The following CRHR1 variants were observed in gnomAD, a reference collection of about 807,000 sequenced individuals.
The protein encoded by CRHR1 is corticotropin-releasing hormone receptor 1.
CRHR1 carries 28 observed loss-of-function variants against 56.0 expected under a neutral mutation model. The ratio of observed to expected loss-of-function variants is 0.50; its 90% CI spans 0.37 to 0.69. The LOEUF is 0.69. Among genes scored for constraint, CRHR1 ranks in the 30% least tolerant of loss-of-function variants. CRHR1 has a pLI of 0.00. For synonymous variants in CRHR1, 195 were observed against 216.5 expected (o/e 0.90, Z 0.87); for missense variants, 376 against 548.0 (o/e 0.69, Z 3.13).
intron 1 of CRHR1, among the ~76,000 whole-genome samples, chr17:45,803,771 TGTGTGCGTGCGCGTGCGC>T (rs1396591647): frequency 7.2e-6 from 1 of 138,078 alleles, no homozygotes. Flanking sequence ...TGTGTGTGTG[TGTGTGCGTGCGCGTGCGC>T]GTGTGTGCAT....
At chr17:45,812,720 GC>G (rs1410453129) in intron 2 of CRHR1, among the ~76,000 whole-genome samples, 2 of 152,056 alleles carry the variant, frequency 1.3e-5, no homozygotes, top group Non-Finnish European at 2.9e-5. Flanking sequence ...CTTCCCGCCT[GC>G]CTCTCTCTAT....
At chr17:45,811,488 A>T (rs1299596933) in intron 2 of CRHR1, among the ~76,000 whole-genome samples, 1 of 152,226 alleles carries the variant, frequency 6.6e-6, no homozygotes, top group Non-Finnish European at 1.5e-5. Context: ...ACTTGACTCC[A>T]GCAGCTCACC....
At chr17:45,789,074 T>C (rs561577570) in intron 1 of CRHR1, among the ~76,000 whole-genome samples, 1 of 152,082 alleles carries the variant, frequency 6.6e-6, no homozygotes, top group South Asian at 2.1e-4. Flanking sequence ...CCCTTGAGGG[T>C]AGAGCCTCAG....
At chr17:45,827,468 T>C (rs979316941) in intron 4 of CRHR1, among the ~76,000 whole-genome samples, 1 of 152,338 alleles carries the variant, frequency 6.6e-6, no homozygotes, top group East Asian at 1.9e-4. Context: ...CAGCCTGTGA[T>C]GTGTGCATAT....
intron 8 of CRHR1, among the ~76,000 whole-genome samples, chr17:45,832,501 C>T (rs1384342404): frequency 6.6e-6 from 1 of 152,230 alleles, no homozygotes; most frequent in Admixed American, 6.5e-5. Flanking sequence ...ATCTCAATTT[C>T]TGGCTTATGA....
Position 45,830,455 on chromosome 17 carries a change from C to T in CRHR1, c.594C>T (p.Phe198=), listed in dbSNP as rs1169788805. 1 of 1,613,544 alleles carries T rather than the reference C, an allele frequency of 6.2e-7. No individual in the cohort carries two copies. The highest frequency in any genetic ancestry group is 1.7e-5 in the Admixed American group (1 of 59,986). Residue 198 remains phenylalanine, a synonymous_variant, in exon 7 of 13, where the codon TTC becomes TTT. Coordinates refer to ENST00000314537, the MANE Select transcript of CRHR1 (RefSeq NM_004382.5). The stretch of plus-strand genomic sequence containing the variant: ...TGGTGACAGCCGCCTACAACTACTT[C>T]CATGTGACCAACTTCTTCTGGATGT... ...CRLVTAAYNY[F]HVTNFFWMFG... is the part of the protein sequence containing the mutation.
At chr17:45,807,559 A>G (rs2061742732) in intron 2 of CRHR1, among the ~76,000 whole-genome samples, 3 of 152,108 alleles carry the variant, frequency 2.0e-5, no homozygotes, top group Non-Finnish European at 4.4e-5. Flanking sequence ...TATTAACCCA[A>G]TTTGCACAAT....
intron 3 of CRHR1, among the ~76,000 whole-genome samples, chr17:45,817,939 G>A (rs1247084711): frequency 6.6e-6 from 1 of 152,200 alleles, no homozygotes; most frequent in Non-Finnish European, 1.5e-5. Flanking sequence ...TTGAGGCACA[G>A]AGAGGCTAAT....
intron 2 of CRHR1, among the ~76,000 whole-genome samples, chr17:45,809,720 CG>C (rs2061785540): frequency 6.6e-6 from 1 of 152,208 alleles, no homozygotes; most frequent in Non-Finnish European, 1.5e-5. Flanking sequence ...GGCGTCTGGC[CG>C]GGGCGGCTGG....
intron 1 of CRHR1, among the ~76,000 whole-genome samples, chr17:45,803,298 A>T (rs1232532638): frequency 6.6e-6 from 1 of 152,240 alleles, no homozygotes; most frequent in Non-Finnish European, 1.5e-5. Context: ...CAGCTTAAGG[A>T]TTAGATGGAT....
chr17:45,785,775 G>C (rs888529888), intron 1 of CRHR1, among the ~76,000 whole-genome samples: 6 of 152,160 alleles, frequency 3.9e-5, no homozygotes, highest in Non-Finnish European at 5.9e-5. Flanking sequence ...TGCTTCCTTA[G>C]TTGAGACGTT....
chr17:45,784,347 A>C lies in CRHR1; in HGVS notation c.-198A>C. 6.4e-6 allele frequency: 2 copies of C among 312,652 alleles called. No homozygotes were observed. Among genetic ancestry groups the C allele is most frequent in the Non-Finnish European group, 1.1e-5 (2 of 176,610 alleles). 19.4% of individuals were successfully genotyped at this position (312,652 alleles called of 1,614,324 possible). On this transcript the variant is annotated 5_prime_UTR_variant, in exon 1 of 13. Coordinates refer to ENST00000314537, the MANE Select transcript of CRHR1 (RefSeq NM_004382.5). The surrounding 1 kb of genome is among the most constrained non-coding windows in gnomAD (Gnocchi z 4.2). ...GAAACGGCGGCCAGACTTCCCCGGG[A>C]AGGGGCGAGCGAGAGCCGGGCCGGG...
At chr17:45,829,665 C>G in intron 5 of CRHR1, 1 of 1,549,690 alleles carries the variant, frequency 6.5e-7, no homozygotes. Context: ...GGCCCCAGCA[C>G]TACCGCCAAG....
chr17:45,825,227 G>A (rs1442254631), intron 4 of CRHR1, among the ~76,000 whole-genome samples: 1 of 152,208 alleles, frequency 6.6e-6, no homozygotes, highest in Admixed American at 6.5e-5. Context: ...GGCACCTCAA[G>A]GCCAGGCACC....
chr17:45,803,783 C>T (rs369123394), intron 1 of CRHR1, among the ~76,000 whole-genome samples: 9 of 74,756 alleles, frequency 1.2e-4, no homozygotes, highest in South Asian at 6.7e-4. Flanking sequence ...TGTGCGTGCG[C>T]GTGCGCGTGT....
At chr17:45,829,385 A>G in intron 5 of CRHR1, 64 bp downstream of exon 5, 1 of 1,482,874 alleles carries the variant, frequency 6.7e-7, no homozygotes, top group Non-Finnish European at 9.3e-7. Flanking sequence ...AGGGTGGAGA[A>G]GTGAGAGGAG....
intron 5 of CRHR1, chr17:45,829,790 G>A (rs1351801775): frequency 2.1e-6 from 2 of 932,186 alleles, no homozygotes; most frequent in East Asian, 5.2e-5. Context: ...ATGGCAGGGA[G>A]TAGAAGGCAC....
intron 1 of CRHR1, among the ~76,000 whole-genome samples, chr17:45,795,404 T>C (rs919505781): frequency 6.6e-6 from 1 of 152,172 alleles, no homozygotes; most frequent in African/African-American, 2.4e-5. Flanking sequence ...CTTCCCAACC[T>C]CAGCACTATT....
chr17:45,834,572 A>G (rs1004665638), intron 12 of CRHR1, 52 bp from the exon 13 acceptor site: 1 of 1,556,992 alleles, frequency 6.4e-7, no homozygotes, highest in African/African-American at 1.3e-5. Flanking sequence ...CAGGGGAGGG[A>G]GGGGGTCCTG....
Sources: allele counts gnomAD v4.1 joint callset (sites outside exome capture counted in the v4.1 genomes callset), GRCh38; gene constraint gnomAD v4.1.1; non-coding constraint Gnocchi (gnomAD v3.1); transcripts MANE v1.5; gene names NCBI Gene and HGNC (gene_info 2026-07-23, HGNC 2026-07-21).